Variants in KCTD1 observed in about 807,000 individuals in gnomAD.
KCTD1 encodes potassium channel tetramerization domain containing 1, also known as BTB/POZ domain-containing protein KCTD1.
In KCTD1, 24 loss-of-function variants were observed where a neutral mutation model predicts 66.0. That is an observed-to-expected ratio of 0.36 (90% confidence interval 0.26 to 0.51). KCTD1 has a LOEUF of 0.51. Among genes scored for constraint, KCTD1 ranks in the 20% least tolerant of loss-of-function variants. The pLI is 0.95. For missense variants in KCTD1, 943 were observed against 1,205.2 expected (o/e 0.78, Z 3.22); for synonymous variants, 511 against 517.2 (o/e 0.99, Z 0.16).
intron 1 of KCTD1, among the ~76,000 whole-genome samples, chr18:26,590,804 A>T (rs575055090): frequency 8.5e-4 from 130 of 152,242 alleles, no homozygotes; most frequent in African/African-American, 3.0e-3. Context: ...ATCACATTTT[A>T]TCTTGTGTTC....
At chr18:26,514,375 A>G (rs1983524703) in intron 1 of KCTD1, among the ~76,000 whole-genome samples, 1 of 152,056 alleles carries the variant, frequency 6.6e-6, no homozygotes, top group South Asian at 2.1e-4. Context: ...CAACACAGTG[A>G]GACCCTGTCT....
At chr18:26,549,502 A>G, upstream of KCTD1, 1 of 963,952 alleles carries the variant, frequency 1.0e-6, no homozygotes, top group Non-Finnish European at 1.2e-6. Context: ...ACGAGGGAAG[A>G]GGCGCTTGGG....
intron 3 of KCTD1, among the ~76,000 whole-genome samples, chr18:26,469,515 T>C (rs925894684): frequency 3.9e-5 from 6 of 152,218 alleles, no homozygotes; most frequent in African/African-American, 1.2e-4. Context: ...TTCTGGAACA[T>C]ACTGCAACTA....
chr18:26,617,831 A>AGAAGGAAG (rs1170380555), intron 1 of KCTD1, among the ~76,000 whole-genome samples: 1 of 110,892 alleles, frequency 9.0e-6, no homozygotes. Flanking sequence ...AATCAGAGGA[A>AGAAGGAAG]GAAGGAAGGA....
chr18:26,526,528 G>A (rs1013417905), intron 1 of KCTD1, among the ~76,000 whole-genome samples: 1 of 152,162 alleles, frequency 6.6e-6, no homozygotes, highest in Non-Finnish European at 1.5e-5. Flanking sequence ...CTGGGATTTC[G>A]TGGTGACTGT....
intron 1 of KCTD1, among the ~76,000 whole-genome samples, chr18:26,649,533 G>A (rs1455422622): frequency 2.0e-5 from 3 of 152,144 alleles, no homozygotes; most frequent in Non-Finnish European, 4.4e-5. Context: ...TTTTGAGACA[G>A]AGTCTTGCTC....
chr18:26,476,632 C>A lies in KCTD1; in HGVS notation c.2016G>T (p.Glu672Asp). ...SRIGRLFDGT[E>D]PIVLDSLKQH... is the part of the protein sequence containing the mutation. ...GTTTGAGACTGTCCAAAACAATGGG[C>A]TCTGTACCATCAAAAAGTCTTCCGA... The change falls in exon 3 of 5, where the codon GAG becomes GAT. Residue 672 changes from glutamate to aspartate, a missense_variant. By Grantham distance (45) the Glu-to-Asp change is conservative. Coordinates refer to ENST00000580059, the MANE Select transcript of KCTD1 (RefSeq NM_001142730.3). This position sits in a 1 kb window ranked among gnomAD's most constrained non-coding sequence, Gnocchi z 4.9. 6.2e-7 allele frequency: 1 copy of A among 1,612,346 alleles called. No individual in the cohort carries two copies. The highest frequency in any genetic ancestry group is 1.1e-5 in the South Asian group (1 of 90,556).
intron 1 of KCTD1, among the ~76,000 whole-genome samples, chr18:26,531,303 G>A (rs184915674): frequency 1.6e-3 from 244 of 152,126 alleles, no homozygotes; most frequent in Non-Finnish European, 2.5e-3. Flanking sequence ...ACCAGCCTGG[G>A]CAACATAGGG....
At chr18:26,502,533 C>A (rs1304310717) in intron 1 of KCTD1, among the ~76,000 whole-genome samples, 1 of 152,150 alleles carries the variant, frequency 6.6e-6, no homozygotes, top group Non-Finnish European at 1.5e-5. Flanking sequence ...TACATCCTTT[C>A]CATGGATACA....
chr18:26,550,132 C>T (rs1985496810), upstream of KCTD1, among the ~76,000 whole-genome samples: 1 of 152,136 alleles, frequency 6.6e-6, no homozygotes, highest in Non-Finnish European at 1.5e-5. The surrounding 1 kb of genome is among the most constrained non-coding windows in gnomAD (Gnocchi z 5.4). Context: ...CCCAGCAGTG[C>T]GCCCCGGTGC....
chr18:26,538,241 C>T (rs2144800931), intron 1 of KCTD1, among the ~76,000 whole-genome samples: 1 of 151,844 alleles, frequency 6.6e-6, no homozygotes, highest in Admixed American at 6.6e-5. Flanking sequence ...GAGCAAAACT[C>T]CGTCTTAAAA....
intron 1 of KCTD1, among the ~76,000 whole-genome samples, chr18:26,502,679 C>A (rs1982827541): frequency 6.6e-6 from 1 of 152,122 alleles, no homozygotes. Context: ...GAAGAGTAAG[C>A]TAAAATAGCA....
chr18:26,529,306 A>G (rs1196883305), intron 1 of KCTD1, among the ~76,000 whole-genome samples: 2 of 152,150 alleles, frequency 1.3e-5, no homozygotes, highest in South Asian at 4.1e-4. Flanking sequence ...TGCCCTGCCT[A>G]TAAGATGAGG....
chr18:26,519,013 G>A (rs1983793873), intron 1 of KCTD1, among the ~76,000 whole-genome samples: 1 of 152,150 alleles, frequency 6.6e-6, no homozygotes, highest in African/African-American at 2.4e-5. Flanking sequence ...GTATACTAAT[G>A]AACTTCTGAA....
chr18:26,554,112 G>A, intron 1 of KCTD1, among the ~76,000 whole-genome samples: 2 of 125,478 alleles, frequency 1.6e-5, no homozygotes, highest in Admixed American at 8.0e-5. Flanking sequence ...AGGAAGGAGG[G>A]AAAGAAAGAA....
At chr18:26,536,420 C>T (rs1300451841) in intron 1 of KCTD1, among the ~76,000 whole-genome samples, 2 of 152,218 alleles carry the variant, frequency 1.3e-5, no homozygotes, top group African/African-American at 4.8e-5. Flanking sequence ...TGAAATGTTA[C>T]AGCAAAGAAA....
rs1472643239 is a variant in KCTD1, at chr18:26,547,262, G to A, written c.1275C>T (p.Ala425=). 6.4e-6 allele frequency: 10 copies of A among 1,551,672 alleles called. No homozygotes were observed. Among genetic ancestry groups the A allele is most frequent in the African/African-American group, 1.4e-5 (1 of 73,168 alleles). The change falls in exon 1 of 5, where the codon GCC becomes GCT. Residue 425 remains alanine, a synonymous_variant. Transcript: ENST00000580059. ...GAGTGCCTAGCAAGTTCTTGCCGAT[G>A]GCTTTGTTCTCGTACCAGGTCACAT... The part of the protein sequence containing the change: ...EGDVTWYENK[A]IGKNLLGTRM...
intron 1 of KCTD1, among the ~76,000 whole-genome samples, chr18:26,518,559 C>G (rs973619818): frequency 1.3e-5 from 2 of 152,102 alleles, no homozygotes; most frequent in African/African-American, 4.8e-5. Context: ...CCATGGCGCC[C>G]AGCCAAAGCT....
At chr18:26,653,009 C>A (rs187139132) in intron 1 of KCTD1, among the ~76,000 whole-genome samples, 5 of 152,280 alleles carry the variant, frequency 3.3e-5, no homozygotes, top group Admixed American at 6.5e-5. Flanking sequence ...CAAACCCTTC[C>A]ATCAGTATTT....
Sources: allele counts gnomAD v4.1 joint callset (sites outside exome capture counted in the v4.1 genomes callset), GRCh38; gene constraint gnomAD v4.1.1; non-coding constraint Gnocchi (gnomAD v3.1); transcripts MANE v1.5; gene names NCBI Gene and HGNC (gene_info 2026-07-23, HGNC 2026-07-21).